Variants in CSMD3 observed in about 807,000 individuals in gnomAD.
The protein encoded by CSMD3 is CUB and Sushi multiple domains 3, also known as CUB and sushi domain-containing protein 3.
Under a neutral mutation model 435.2 loss-of-function variants are expected in CSMD3, and 177 were observed. The ratio of observed to expected loss-of-function variants is 0.41; its 90% CI spans 0.36 to 0.46. The LOEUF is 0.46. Ranked by LOEUF, CSMD3 falls within the 20% of genes least tolerant of loss-of-function variation. The probability of loss-of-function intolerance (pLI) is 0.34; values close to 1 mark genes in which losing one functional copy is unlikely to be tolerated. For synonymous variants in CSMD3, 1,656 were observed against 1,520.5 expected (o/e 1.09, Z -2.07); for missense variants, 4,265 against 4,504.6 (o/e 0.95, Z 1.52).
intron 32 of CSMD3, among the ~76,000 whole-genome samples, chr8:112,463,477 T>G (rs1030591033): frequency 1.3e-5 from 2 of 152,202 alleles, no homozygotes; most frequent in African/African-American, 4.8e-5. Context: ...TTCTCTTGTT[T>G]TCTCTTGGTA....
chr8:112,546,900 G>A (rs1265158650), intron 27 of CSMD3, among the ~76,000 whole-genome samples: 2 of 152,162 alleles, frequency 1.3e-5, no homozygotes, highest in African/African-American at 4.8e-5. Context: ...TATCAAGTTG[G>A]TCTGTGGCCT....
chr8:112,257,108 A>C (rs1815882001), intron 61 of CSMD3, among the ~76,000 whole-genome samples: 2 of 152,170 alleles, frequency 1.3e-5, no homozygotes, highest in Admixed American at 6.5e-5. Flanking sequence ...TAAAATGAAA[A>C]GTAATCATTA....
chr8:112,723,700 C>G (rs139201581), intron 13 of CSMD3, among the ~76,000 whole-genome samples: 1 of 151,972 alleles, frequency 6.6e-6, no homozygotes, highest in Non-Finnish European at 1.5e-5. Flanking sequence ...GGTTTAAATC[C>G]CATCTTTAAA....
intron 13 of CSMD3, among the ~76,000 whole-genome samples, chr8:112,703,256 C>CT (rs372430428): frequency 2.7e-4 from 41 of 152,184 alleles, no homozygotes; most frequent in African/African-American, 9.4e-4. Context: ...TGATTCTGCT[C>CT]TTTTTTTCTT....
rs762389168 is a variant in CSMD3, at chr8:112,314,547, A to T, written c.7431T>A (p.Ser2477Arg). Residue 2477 changes from serine to arginine, a missense_variant, in exon 48 of 71, where the codon AGT (serine) becomes AGA (arginine). By Grantham distance (110) the Ser-to-Arg change is moderately radical. Transcript: ENST00000297405. ...ATGCACACATTTGAAGATTTGGGTA[A>T]CTGTCAGGATATCCAGGGCTCAATA... ...GVILSPGYPD[S>R]YPNLQMCAWS... is the part of the protein sequence containing the mutation. The T allele has an allele frequency of 6.2e-7, 1 of 1,611,840 alleles. No individual in the cohort carries two copies. The highest frequency in any genetic ancestry group is 8.5e-7 in the Non-Finnish European group (1 of 1,178,088).
rs564086929 is a variant in CSMD3, at chr8:112,265,528, C to T, written c.9571G>A (p.Val3191Ile). The T allele has an allele frequency of 1.2e-6, 2 of 1,613,592 alleles. No homozygotes were observed. The highest frequency in any genetic ancestry group is 2.7e-5 in the African/African-American group (2 of 74,992). Residue 3191 changes from valine to isoleucine, a missense_variant, in exon 60 of 71, where the codon GTT (valine) becomes ATT (isoleucine). Val to Ile is a conservative substitution (Grantham distance 29). This residue lies in a region of CSMD3 where 3,255 missense variants were observed against 3,380.2 expected (regional missense o/e 0.96). Coordinates refer to ENST00000297405, the MANE Select transcript of CSMD3 (RefSeq NM_198123.2). The part of the protein sequence containing the change: ...NGLRYGDDYV[V>I]GQNVSYMCQP... ...CACATGTAAGAAACATTTTGTCCAA[C>T]CACATAATCATCTCCATATCTCAGT...
intron 3 of CSMD3, among the ~76,000 whole-genome samples, chr8:113,245,954 C>A (rs1209245321): frequency 6.6e-6 from 1 of 151,916 alleles, no homozygotes; most frequent in Non-Finnish European, 1.5e-5. Flanking sequence ...CCACTTTTAA[C>A]CTCCATAAGA....
At chr8:112,416,954 A>G (rs1209262003) in intron 32 of CSMD3, among the ~76,000 whole-genome samples, 1 of 152,116 alleles carries the variant, frequency 6.6e-6, no homozygotes, top group Non-Finnish European at 1.5e-5. Context: ...GTTTTGATAT[A>G]AAAGTCTTCA....
intron 7 of CSMD3, among the ~76,000 whole-genome samples, chr8:112,971,637 G>A (rs1027101309): frequency 6.6e-6 from 1 of 152,104 alleles, no homozygotes; most frequent in Admixed American, 6.6e-5. Flanking sequence ...AGTTTGCAAA[G>A]GTGGACTAAA....
chr8:113,359,659 C>A (rs1463231428), intron 1 of CSMD3, among the ~76,000 whole-genome samples: 1 of 152,228 alleles, frequency 6.6e-6, no homozygotes, highest in Non-Finnish European at 1.5e-5. Context: ...GTCTTTGCTT[C>A]TGAGCCATAA....
chr8:112,492,987 T>C (rs1226219157), intron 30 of CSMD3, among the ~76,000 whole-genome samples: 5 of 152,166 alleles, frequency 3.3e-5, no homozygotes, highest in African/African-American at 1.2e-4. Flanking sequence ...TCAGAAGGTT[T>C]GGAACCAGTT....
chr8:112,835,523 A>C (rs1183361819), intron 11 of CSMD3, among the ~76,000 whole-genome samples: 1 of 151,854 alleles, frequency 6.6e-6, no homozygotes, highest in East Asian at 1.9e-4. Context: ...GGAAATTAGG[A>C]ATCTTGGTAG....
intron 2 of CSMD3, among the ~76,000 whole-genome samples, chr8:113,303,856 G>A (rs1320257498): frequency 7.1e-6 from 1 of 139,880 alleles, no homozygotes; most frequent in African/African-American, 2.6e-5. Context: ...GCATGGGCAA[G>A]GACTTCATGT....
At chr8:112,751,863 G>T (rs2077579418) in intron 13 of CSMD3, among the ~76,000 whole-genome samples, 1 of 151,822 alleles carries the variant, frequency 6.6e-6, no homozygotes, top group African/African-American at 2.4e-5. Flanking sequence ...GGATATGCAG[G>T]TTTGTTACAT....
intron 1 of CSMD3, among the ~76,000 whole-genome samples, chr8:113,320,919 A>C (rs1199924002): frequency 6.6e-6 from 1 of 151,834 alleles, no homozygotes; most frequent in East Asian, 1.9e-4. Flanking sequence ...GATGTAGCAT[A>C]CCATGTAGAA....
intron 5 of CSMD3, among the ~76,000 whole-genome samples, chr8:113,027,394 A>C (rs1185497992): frequency 6.6e-6 from 1 of 152,166 alleles, no homozygotes; most frequent in Admixed American, 6.5e-5. Flanking sequence ...TTGAAAAAAT[A>C]TTTTAGGAAC....
intron 59 of CSMD3, among the ~76,000 whole-genome samples, chr8:112,275,751 G>T (rs768287001): frequency 6.6e-6 from 1 of 152,090 alleles, no homozygotes; most frequent in Admixed American, 6.5e-5. Flanking sequence ...AAGTATGGGA[G>T]AAACCACCTC....
chr8:112,713,796 A>C (rs1340980772), intron 13 of CSMD3, among the ~76,000 whole-genome samples: 1 of 152,190 alleles, frequency 6.6e-6, no homozygotes, highest in Non-Finnish European at 1.5e-5. Flanking sequence ...AGGAATTTTC[A>C]ACCCAGAATT....
At chr8:112,573,257 C>A (rs948053291) in intron 24 of CSMD3, among the ~76,000 whole-genome samples, 4 of 152,044 alleles carry the variant, frequency 2.6e-5, no homozygotes, top group African/African-American at 9.7e-5. Context: ...AGTAAATAAA[C>A]CCGAAGTCAA....
Sources: gnomAD v4.1 joint callset for allele counts (sites outside exome capture counted in the v4.1 genomes callset) on GRCh38, gnomAD v4.1.1 for gene constraint, gnomAD v4.1.1 regional missense constraint, MANE v1.5 for transcripts, NCBI Gene and HGNC (gene_info 2026-07-23, HGNC 2026-07-21) for gene names.